CD5L: variants seen among roughly 807,000 people sequenced by gnomAD.
CD5L encodes CD5 molecule like.
A neutral mutation model predicts 40.8 loss-of-function variants in CD5L; 39 were observed. The observed-to-expected ratio is 0.96, with a 90% CI of 0.74 to 1.25. CD5L has a LOEUF of 1.25. Ranked by LOEUF, CD5L falls within the 50% of genes most tolerant of loss-of-function variation. The pLI is 0.00. For synonymous variants in CD5L, 192 were observed against 169.6 expected (o/e 1.13, Z -1.03); for missense variants, 433 against 435.9 (o/e 0.99, Z 0.06).
intron 5 of CD5L, 62 bp downstream of exon 5, chr1:157,833,130 C>A (rs1263558050): frequency 4.5e-6 from 6 of 1,332,814 alleles, no homozygotes; most frequent in African/African-American, 1.4e-5. Flanking sequence ...ACACCCCCAT[C>A]ATTTCCTCTT....
chr1:157,840,441 T>C (rs924154505), intron 1 of CD5L, among the ~76,000 whole-genome samples: 1 of 152,118 alleles, frequency 6.6e-6, no homozygotes, highest in Non-Finnish European at 1.5e-5. Flanking sequence ...CAGCCTACAG[T>C]TTTTCAGGCA....
In CD5L at chr1:157,839,371, C is replaced by G; in HGVS notation, c.55+13G>C. ...CTTGAGGCCTCCCTCTCAGAAACCC[C>G]CAAAAATCTTACCTAGGAATCCAGG... On this transcript the variant is annotated intron_variant, in intron 2 of 5. Transcript: ENST00000368174. 1.2e-6 allele frequency: 2 copies of G among 1,613,594 alleles called. No homozygotes were observed. Among genetic ancestry groups the G allele is most frequent in the Non-Finnish European group, 1.7e-6 (2 of 1,179,766 alleles).
rs928982370 is a variant in CD5L, at chr1:157,833,265, C to G, written c.966G>C (p.Leu322=). 2 of 1,614,030 alleles carry G rather than the reference C, an allele frequency of 1.2e-6. No homozygotes were observed. Among genetic ancestry groups the G allele is most frequent in the Admixed American group, 3.3e-5 (2 of 59,992 alleles). Residue 322 remains leucine, a synonymous_variant, in exon 5 of 6, where the codon CTG becomes CTC. Coordinates refer to ENST00000368174, the MANE Select transcript of CD5L (RefSeq NM_005894.3). ...NVRCSGEEQS[L]EQCQHRFWGF... ...CCCAAAATCTGTGCTGGCACTGCTC[C>G]AGGGACTGCTCCTCCCCTGAGCAAC...
chr1:157,841,647 TA>T, intron 1 of CD5L, 26 bp downstream of exon 1: 3 of 1,609,434 alleles, frequency 1.9e-6, no homozygotes, highest in Middle Eastern at 3.3e-4. Context: ...CTCTGAAGCC[TA>T]AACCAACAGG....
chr1:157,837,380 A>T (rs67077439), intron 2 of CD5L, among the ~76,000 whole-genome samples: 1 of 10,628 alleles, frequency 9.4e-5, no homozygotes, highest in Non-Finnish European at 1.7e-4. Flanking sequence ...TTTGTTTGTT[A>T]GTTAGTGAAC....
In CD5L at chr1:157,830,961, G is replaced by A; in HGVS notation, c.*1003C>T. ...ATTAGATAAGTGTAAATGTGTAAAT[G>A]TAGCCGTATAATAAGTACTCAGCCT... On this transcript the variant is annotated 3_prime_UTR_variant, in exon 6 of 6. Coordinates refer to ENST00000368174, the MANE Select transcript of CD5L (RefSeq NM_005894.3). 1 of 985,292 alleles carries A rather than the reference G, an allele frequency of 1.0e-6. No homozygotes were observed. Among genetic ancestry groups the A allele is most frequent in the Non-Finnish European group, 1.2e-6 (1 of 829,810 alleles). The allele number at this position is 985,292 out of a possible 1,614,324, so 61.0% of individuals were successfully genotyped here. A position where few individuals can be genotyped will look rare whatever the true frequency, so the allele number is the denominator to read the frequency against.
chr1:157,834,110 T>C (rs1571449810), intron 4 of CD5L, among the ~76,000 whole-genome samples: 2 of 152,324 alleles, frequency 1.3e-5, no homozygotes, highest in Middle Eastern at 6.8e-3. Flanking sequence ...TCTAAGAAGT[T>C]TTAAAAATTG....
intron 1 of CD5L, among the ~76,000 whole-genome samples, 173 bp downstream of exon 1, chr1:157,841,501 G>C (rs1409276209): frequency 1.3e-5 from 2 of 152,218 alleles, no homozygotes; most frequent in Non-Finnish European, 2.9e-5. Flanking sequence ...TTACAAATGT[G>C]TATGGATTAA....
At chr1:157,829,313 A>C (rs879695327), downstream of CD5L, among the ~76,000 whole-genome samples, 1 of 152,256 alleles carries the variant, frequency 6.6e-6, no homozygotes, top group Non-Finnish European at 1.5e-5. Flanking sequence ...GAAATGAGAC[A>C]TTGAGAATAA....
Position 157,831,609 on chromosome 1 carries a change from G to A in CD5L, c.*355C>T. ...TAGATTAGTAATGTTTGCAGACATA[G>A]ACCTTAGTAATGGTCTGCACATCTG... is the stretch of plus-strand genomic sequence containing the variant. On this transcript the variant is annotated 3_prime_UTR_variant, in exon 6 of 6. Coordinates refer to ENST00000368174, the MANE Select transcript of CD5L (RefSeq NM_005894.3). The A allele has an allele frequency of 9.2e-7, 1 of 1,085,212 alleles. No individual in the cohort carries two copies. The highest frequency in any genetic ancestry group is 5.8e-5 in the East Asian group (1 of 17,262). 67.2% of individuals were successfully genotyped at this position (1,085,212 alleles called of 1,614,324 possible).
In CD5L at chr1:157,833,379, T is replaced by A; in HGVS notation, c.852A>T (p.Gln284His). 3 of 1,614,090 alleles carry A rather than the reference T, an allele frequency of 1.9e-6. No individual in the cohort carries two copies. The highest frequency in any genetic ancestry group is 2.5e-6 in the Non-Finnish European group (3 of 1,180,010). ...GAGAGAGGGACTTCCCACAGCCCAG[T>A]TGCTTGCATACCACCTGGTCCTCCT... is the stretch of plus-strand genomic sequence containing the variant. ...GEKEDQVVCK[Q>H]LGCGKSLSPS... Residue 284 changes from glutamine (Q) to histidine (H), a missense_variant, in exon 5 of 6, where the codon CAA becomes CAT. Coordinates refer to ENST00000368174, the MANE Select transcript of CD5L (RefSeq NM_005894.3).
intron 4 of CD5L, 111 bp from the exon 5 acceptor site, chr1:157,833,623 T>C: frequency 1.2e-6 from 1 of 852,020 alleles, no homozygotes. Context: ...ATGTTTGTTT[T>C]GAGACATCGT....
rs1257791860 is a variant in CD5L, at chr1:157,831,647, G to C, written c.*317C>G. ...GTCTGCACATCTGACCAAAGTGACA[G>C]GTTTGAGGATTCCAGGCAGCTTGAG... On this transcript the variant is annotated 3_prime_UTR_variant, in exon 6 of 6. Transcript: ENST00000368174. 1 of 1,158,316 alleles carries C rather than the reference G, an allele frequency of 8.6e-7. No individual in the cohort carries two copies. The highest frequency in any genetic ancestry group is 1.1e-6 in the Non-Finnish European group (1 of 941,498). 71.8% of individuals were successfully genotyped at this position (1,158,316 alleles called of 1,614,324 possible). A position where few individuals can be genotyped will look rare whatever the true frequency, so the allele number is the denominator to read the frequency against.
chr1:157,835,795 T>C (rs1557941240), intron 3 of CD5L, 40 bp downstream of exon 3: 1 of 1,532,070 alleles, frequency 6.5e-7, no homozygotes. Flanking sequence ...GTGAGGGGTA[T>C]GGCAGCTGGC....
Position 157,834,430 on chromosome 1 carries a change from T to C in CD5L, c.695A>G (p.Glu232Gly). Reference sequence around the variant, plus strand: ...ACCTTCACATTCGACCCACGTGTCTTCATCATGGTTGCAGGTGTTCTTCCC... The same window carrying C: ...ACCTTCACATTCGACCCACGTGTCTCCATCATGGTTGCAGGTGTTCTTCCC... Reference protein sequence around the residue: ...PWGKNTCNHDEDTWVECEDPF... With the variant: ...PWGKNTCNHDGDTWVECEDPF... The change falls in exon 4 of 6, where the codon GAA becomes GGA. Residue 232 changes from glutamate to glycine, a missense_variant. Coordinates refer to ENST00000368174, the MANE Select transcript of CD5L (RefSeq NM_005894.3). 1 of 1,613,850 alleles carries C rather than the reference T, an allele frequency of 6.2e-7. No individual in the cohort carries two copies. The highest frequency in any genetic ancestry group is 8.5e-7 in the Non-Finnish European group (1 of 1,179,746).
At position 157,831,788 on chromosome 1, in the gene CD5L, T is replaced by A. The variant is rs1048086; in HGVS notation, c.*176A>T. On this transcript the variant is annotated 3_prime_UTR_variant, in exon 6 of 6. Coordinates refer to ENST00000368174, the MANE Select transcript of CD5L (RefSeq NM_005894.3). The stretch of plus-strand genomic sequence containing the variant: ...AACAGCTCACATCTACAGGCAGCAA[T>A]GGGGGCTGCTTGTCCCTGAGAGTAA... 0.23 allele frequency: 306,225 copies of A among 1,313,258 alleles called. 36,476 individuals are homozygous for A. Among genetic ancestry groups the A allele is most frequent in the South Asian group, 0.33 (12,033 of 36,168 alleles). The allele number at this position is 1,313,258 out of a possible 1,614,324, so 81.4% of individuals were successfully genotyped here. A position where few individuals can be genotyped will look rare whatever the true frequency, so the allele number is the denominator to read the frequency against.
chr1:157,828,179 A>T (rs1047186974), downstream of CD5L, among the ~76,000 whole-genome samples: 6 of 152,124 alleles, frequency 3.9e-5, no homozygotes, highest in Non-Finnish European at 1.5e-5. Flanking sequence ...TATCCTTGCA[A>T]TGCCCTAGGA....
Position 157,835,981 on chromosome 1 carries a change from A to G in CD5L, c.230T>C (p.Ile77Thr), listed in dbSNP as rs1257902450. The change falls in exon 3 of 6, where the codon ATT becomes ACT. Residue 77 changes from isoleucine to threonine, a missense_variant. Transcript: ENST00000368174. ...TTTTTCTGCTGGTGGCTCATACAAA[A>G]TACCACTAGGGGTTCCGCTGGCAGC... ...CGAASGTPSG[I>T]LYEPPAEKEQ... 6.2e-7 allele frequency: 1 copy of G among 1,614,202 alleles called. No individual in the cohort carries two copies. The highest frequency in any genetic ancestry group is 1.7e-5 in the Admixed American group (1 of 60,028).
At chr1:157,835,689 C>T in intron 3 of CD5L, 146 bp downstream of exon 3, 1 of 669,646 alleles carries the variant, frequency 1.5e-6, no homozygotes. Flanking sequence ...ATCTCCAGCA[C>T]TGACAGTTGG....
Sources: gnomAD v4.1 joint callset for allele counts (sites outside exome capture counted in the v4.1 genomes callset) on GRCh38, gnomAD v4.1.1 for gene constraint, MANE v1.5 for transcripts, NCBI Gene and HGNC (gene_info 2026-07-23, HGNC 2026-07-21) for gene names.